The following ZBTB20 variants were observed in gnomAD, a reference collection of about 807,000 sequenced individuals.
The protein encoded by ZBTB20 is zinc finger and BTB domain containing 20.
A neutral mutation model predicts 56.9 loss-of-function variants in ZBTB20; 9 were observed. That is an observed-to-expected ratio of 0.16 (90% confidence interval 0.10 to 0.28). ZBTB20 has a LOEUF of 0.28. Among genes scored for constraint, ZBTB20 ranks in the 10% least tolerant of loss-of-function variants. The probability of loss-of-function intolerance (pLI) is 1.00; values close to 1 mark genes in which losing one functional copy is unlikely to be tolerated. For missense variants in ZBTB20, 655 were observed against 1,003.0 expected, an observed-to-expected ratio of 0.65 and a Z score of 4.69; for synonymous variants, 417 against 420.7, an observed-to-expected ratio of 0.99 and a Z score of 0.11.
At chr3:114,379,457 C>G (rs1176752911) in intron 10 of ZBTB20, among the ~76,000 whole-genome samples, 1 of 152,172 alleles carries the variant, frequency 6.6e-6, no homozygotes, top group Non-Finnish European at 1.5e-5. Flanking sequence ...AGAAAAAAAT[C>G]TCCTAAACGT....
intron 1 of ZBTB20, among the ~76,000 whole-genome samples, chr3:115,087,137 A>T (rs559622412): frequency 6.6e-6 from 1 of 151,858 alleles, no homozygotes; most frequent in East Asian, 1.9e-4. Flanking sequence ...CTCCTTTCCA[A>T]CTTAAATCCA....
intron 6 of ZBTB20, among the ~76,000 whole-genome samples, chr3:114,533,072 A>T (rs1425242665): frequency 2.0e-5 from 3 of 152,088 alleles, no homozygotes; most frequent in African/African-American, 7.2e-5. Context: ...AAAAACCCGA[A>T]TGTCGTTTCT....
intron 4 of ZBTB20, among the ~76,000 whole-genome samples, chr3:114,859,659 C>T (rs890604439): frequency 4.0e-4 from 60 of 148,232 alleles, no homozygotes; most frequent in African/African-American, 1.4e-3. Context: ...CAATATTCCA[C>T]ACTGCAATAT....
At position 114,351,081 on chromosome 3, in the gene ZBTB20, T is replaced by C. The variant is rs1243503300; in HGVS notation, c.997A>G (p.Met333Val). The C allele has an allele frequency of 6.2e-7, 1 of 1,609,716 alleles. No homozygotes were observed. The highest frequency in any genetic ancestry group is 8.5e-7 in the Non-Finnish European group (1 of 1,179,622). The change falls in exon 11 of 12, where the codon ATG becomes GTG. Residue 333 changes from methionine to valine, a missense_variant. Transcript: ENST00000675478. The stretch of plus-strand genomic sequence containing the variant: ...CCGTAGTAGTCGTAATCGTCCTCCA[T>C]CTCCTGCTTGATGTGGATGTTGCCC... The part of the protein sequence containing the change: ...LVGNIHIKQE[M>V]EDDYDYYGQQ...
At chr3:114,800,223 G>A (rs954911227) in intron 5 of ZBTB20, among the ~76,000 whole-genome samples, 9 of 151,894 alleles carry the variant, frequency 5.9e-5, no homozygotes, top group African/African-American at 1.4e-4. Context: ...GACTTTCCTT[G>A]TAGTATTTCA....
chr3:114,981,646 A>G (rs1025981218), intron 2 of ZBTB20, among the ~76,000 whole-genome samples: 5 of 152,068 alleles, frequency 3.3e-5, no homozygotes, highest in African/African-American at 1.2e-4. Context: ...TTTAAACCTA[A>G]CAAAAACTCT....
At chr3:115,057,808 T>C (rs1012596219) in intron 2 of ZBTB20, among the ~76,000 whole-genome samples, 5 of 152,184 alleles carry the variant, frequency 3.3e-5, no homozygotes, top group Admixed American at 3.3e-4. Context: ...TGACTCTTTT[T>C]ATCTTTCAGC....
chr3:114,439,852 T>A (rs2090789703), intron 7 of ZBTB20, among the ~76,000 whole-genome samples: 1 of 152,216 alleles, frequency 6.6e-6, no homozygotes, highest in African/African-American at 2.4e-5. Context: ...GACCAATTGC[T>A]ACATCCTTGA....
chr3:114,352,009 G>C, intron 10 of ZBTB20, 131 bp from the exon 11 acceptor site: 1 of 1,150,366 alleles, frequency 8.7e-7, no homozygotes, highest in Non-Finnish European at 1.2e-6. Flanking sequence ...CGCAAGTGGG[G>C]AGATGGACAG....
chr3:115,110,726 C>T (rs561350454), intron 1 of ZBTB20, among the ~76,000 whole-genome samples: 387 of 152,176 alleles, frequency 2.5e-3, no homozygotes, highest in African/African-American at 8.9e-3. Flanking sequence ...TGGTGGCTCA[C>T]GCCTGTAATC....
chr3:114,364,306 C>G (rs2082176533), intron 10 of ZBTB20, among the ~76,000 whole-genome samples: 1 of 152,102 alleles, frequency 6.6e-6, no homozygotes, highest in South Asian at 2.1e-4. Flanking sequence ...ACAAAATTAG[C>G]TGGGCATGGT....
intron 3 of ZBTB20, among the ~76,000 whole-genome samples, chr3:114,907,019 C>T (rs1187271400): frequency 2.0e-5 from 3 of 151,896 alleles, no homozygotes; most frequent in Non-Finnish European, 1.5e-5. Flanking sequence ...CTGAAATGTA[C>T]ATTAAACACG....
chr3:114,990,475 CT>C (rs1315432761), intron 2 of ZBTB20, among the ~76,000 whole-genome samples: 1 of 152,102 alleles, frequency 6.6e-6, no homozygotes, highest in African/African-American at 2.4e-5. Context: ...GGTGGATAAG[CT>C]TTTTGATGTG....
intron 2 of ZBTB20, among the ~76,000 whole-genome samples, chr3:115,009,901 A>G (rs1380296366): frequency 6.6e-6 from 1 of 151,930 alleles, no homozygotes; most frequent in Admixed American, 6.6e-5. Flanking sequence ...TTTATACATT[A>G]CCCAGTCTGT....
chr3:115,037,035 T>C (rs1352011952), intron 2 of ZBTB20, among the ~76,000 whole-genome samples: 1 of 152,182 alleles, frequency 6.6e-6, no homozygotes, highest in African/African-American at 2.4e-5. Flanking sequence ...CTGATTCAAA[T>C]GGACAACAGA....
chr3:114,622,836 A>C (rs960905173), intron 6 of ZBTB20, among the ~76,000 whole-genome samples: 2 of 152,226 alleles, frequency 1.3e-5, no homozygotes, highest in Non-Finnish European at 2.9e-5. Context: ...AACAGCAAGG[A>C]CAACCAAAAC....
At chr3:114,780,473 A>G (rs1158066284) in intron 5 of ZBTB20, among the ~76,000 whole-genome samples, 3 of 152,174 alleles carry the variant, frequency 2.0e-5, no homozygotes, top group Non-Finnish European at 4.4e-5. Context: ...TAAATAGTAC[A>G]AAGTTGGTAA....
At chr3:114,656,600 T>C (rs2060417628) in intron 6 of ZBTB20, among the ~76,000 whole-genome samples, 1 of 152,188 alleles carries the variant, frequency 6.6e-6, no homozygotes, top group Admixed American at 6.5e-5. Context: ...ACTGACACTT[T>C]CTTCTGCCAT....
At chr3:115,136,261 A>G in intron 1 of ZBTB20, among the ~76,000 whole-genome samples, 1 of 152,126 alleles carries the variant, frequency 6.6e-6, no homozygotes. Context: ...AAGTACAGGG[A>G]AAGTCTATAA....
Sources: allele counts gnomAD v4.1 joint callset (sites outside exome capture counted in the v4.1 genomes callset), GRCh38; gene constraint gnomAD v4.1.1; transcripts MANE v1.5; gene names NCBI Gene and HGNC (gene_info 2026-07-23, HGNC 2026-07-21).